MYO1E: variants seen among roughly 807,000 people sequenced by gnomAD.
The protein encoded by MYO1E is unconventional myosin-Ie.
MYO1E carries 68 observed loss-of-function variants against 151.1 expected under a neutral mutation model. The ratio of observed to expected loss-of-function variants is 0.45; its 90% CI spans 0.37 to 0.55. The LOEUF (loss-of-function observed/expected upper bound fraction) is 0.55, where lower values mean the gene tolerates loss of function less well. Among genes scored for constraint, MYO1E ranks in the 20% least tolerant of loss-of-function variants. The pLI, the probability that MYO1E is intolerant of heterozygous loss-of-function variation, is 0.00. For synonymous variants in MYO1E, 601 were observed against 501.7 expected (o/e 1.20, Z -2.64); for missense variants, 1,363 against 1,389.3 (o/e 0.98, Z 0.30).
chr15:59,304,841 C>A (rs8028742), intron 1 of MYO1E, among the ~76,000 whole-genome samples: 44,427 of 152,172 alleles, frequency 0.29, 8,669 homozygotes, highest in African/African-American at 0.55. Flanking sequence ...GAAAATGGAA[C>A]TTGTCTTTAC....
At chr15:59,308,811 C>T (rs1413564639) in intron 1 of MYO1E, among the ~76,000 whole-genome samples, 3 of 148,650 alleles carry the variant, frequency 2.0e-5, no homozygotes, top group African/African-American at 7.4e-5. Flanking sequence ...TGCACTTCAA[C>T]CTGGTGACAA....
intron 1 of MYO1E, among the ~76,000 whole-genome samples, chr15:59,274,859 A>G (rs2080308880): frequency 6.6e-6 from 1 of 152,174 alleles, no homozygotes; most frequent in Non-Finnish European, 1.5e-5. Context: ...TGATTCTCAT[A>G]GTTCCAAGTA....
At chr15:59,174,320 A>G in intron 19 of MYO1E, 80 bp from the exon 20 acceptor site, 1 of 1,025,072 alleles carries the variant, frequency 9.8e-7, no homozygotes, top group East Asian at 2.4e-5. Flanking sequence ...TATTCCAGGG[A>G]CCCTCAGTTT....
chr15:59,216,731 T>A (rs2079921369), intron 10 of MYO1E, among the ~76,000 whole-genome samples: 1 of 131,292 alleles, frequency 7.6e-6, no homozygotes, highest in Admixed American at 7.7e-5. Flanking sequence ...CACATAATTA[T>A]GCCATAACCA....
intron 1 of MYO1E, among the ~76,000 whole-genome samples, chr15:59,349,594 T>G (rs140721307): frequency 1.1e-4 from 17 of 152,310 alleles, no homozygotes; most frequent in African/African-American, 4.1e-4. Flanking sequence ...CCTGCCCAAA[T>G]TCAGTGAATG....
At chr15:59,238,429 A>C (rs1418360097) in intron 4 of MYO1E, among the ~76,000 whole-genome samples, 4 of 152,248 alleles carry the variant, frequency 2.6e-5, no homozygotes, top group Non-Finnish European at 5.9e-5. Context: ...GTAGCAACAT[A>C]AAGATAATGC....
chr15:59,288,326 C>A (rs150149851), intron 1 of MYO1E, among the ~76,000 whole-genome samples: 150 of 152,192 alleles, frequency 9.9e-4, no homozygotes, highest in African/African-American at 2.7e-3. Flanking sequence ...CAGGTGTGTG[C>A]CACCATGTCT....
In MYO1E at chr15:59,195,557, T is replaced by A; in HGVS notation, c.1709A>T (p.Asn570Ile). 1 of 1,613,708 alleles carries A rather than the reference T, an allele frequency of 6.2e-7. No individual in the cohort carries two copies. Among genetic ancestry groups the A allele is most frequent in the Non-Finnish European group, 8.5e-7 (1 of 1,179,568 alleles). ...TTTCATCAGGGTGCTCACAAGGTCA[T>A]TGGCTTGTTTCTAGAAAGGAAGAAC... is the stretch of plus-strand genomic sequence containing the variant. ...TAGSKIKKQA[N>I]DLVSTLMKCT... Residue 570 changes from asparagine to isoleucine, a missense_variant, in exon 17 of 28, where the codon AAT (asparagine) becomes ATT (isoleucine). By Grantham distance (149) the Asn-to-Ile change is moderately radical. Coordinates refer to ENST00000288235, the MANE Select transcript of MYO1E (RefSeq NM_004998.4).
intron 14 of MYO1E, chr15:59,206,987 C>T (rs753150387): frequency 6.2e-7 from 1 of 1,614,142 alleles, no homozygotes; most frequent in South Asian, 1.1e-5. Flanking sequence ...AGAGTGAGCT[C>T]GGTGGGAGCG....
At chr15:59,236,808 A>G in intron 4 of MYO1E, 136 bp from the exon 5 acceptor site, 1 of 783,466 alleles carries the variant, frequency 1.3e-6, no homozygotes, top group Non-Finnish European at 2.2e-6. Context: ...TTTTTTTTTA[A>G]GTACAATACC....
chr15:59,287,069 C>G (rs2080391655), intron 1 of MYO1E, among the ~76,000 whole-genome samples: 1 of 151,872 alleles, frequency 6.6e-6, no homozygotes, highest in African/African-American at 2.4e-5. Context: ...CTTCCACCAC[C>G]TGACAGAGGA....
intron 1 of MYO1E, among the ~76,000 whole-genome samples, chr15:59,317,132 C>T (rs1364064853): frequency 1.3e-5 from 2 of 152,208 alleles, no homozygotes; most frequent in African/African-American, 4.8e-5. Context: ...ATCCATCCAT[C>T]TACTCGATAA....
At chr15:59,298,949 G>T (rs1232228493) in intron 1 of MYO1E, among the ~76,000 whole-genome samples, 2 of 152,160 alleles carry the variant, frequency 1.3e-5, no homozygotes, top group Admixed American at 1.3e-4. Flanking sequence ...TACCTCAGAT[G>T]ACTTTGTTAT....
At chr15:59,216,666 G>GTGTGTGTGTGTGTGTGTGTGTTTT in intron 10 of MYO1E, among the ~76,000 whole-genome samples, 1 of 30,892 alleles carries the variant, frequency 3.2e-5, no homozygotes, top group South Asian at 1.4e-3. Context: ...GTGTGTATGT[G>GTGTGTGTGTGTGTGTGTGTGTTTT]TATATATATA....
intron 18 of MYO1E, among the ~76,000 whole-genome samples, chr15:59,184,132 G>A (rs796572880): frequency 5.3e-4 from 81 of 151,864 alleles, no homozygotes; most frequent in African/African-American, 1.8e-3. Context: ...TCAGCCTCCC[G>A]AGTATCTGGA....
chr15:59,327,425 C>T (rs529796689), intron 1 of MYO1E, among the ~76,000 whole-genome samples: 2 of 152,112 alleles, frequency 1.3e-5, no homozygotes, highest in African/African-American at 4.8e-5. Context: ...CCTCTCACTT[C>T]AGCCTCCTGA....
At chr15:59,286,194 C>G (rs1168452656) in intron 1 of MYO1E, among the ~76,000 whole-genome samples, 1 of 152,208 alleles carries the variant, frequency 6.6e-6, no homozygotes, top group Admixed American at 6.5e-5. Context: ...TGATATCAAC[C>G]TGCCAAAAAG....
chr15:59,224,584 AC>A (rs2079977003), intron 8 of MYO1E, 104 bp downstream of exon 8: 1 of 1,467,546 alleles, frequency 6.8e-7, no homozygotes, highest in African/African-American at 1.4e-5. Context: ...AAAGAGGCGG[AC>A]ATTTCATGCA....
chr15:59,260,968 C>A (rs2080221181), intron 3 of MYO1E, among the ~76,000 whole-genome samples: 2 of 152,158 alleles, frequency 1.3e-5, no homozygotes, highest in Admixed American at 1.3e-4. Context: ...CTCACCAGCA[C>A]TTTGGGAGGC....
Sources: allele counts gnomAD v4.1 joint callset (sites outside exome capture counted in the v4.1 genomes callset), GRCh38; gene constraint gnomAD v4.1.1; transcripts MANE v1.5; gene names NCBI Gene and HGNC (gene_info 2026-07-23, HGNC 2026-07-21).